CASK: variants seen among roughly 807,000 people sequenced by gnomAD.
CASK encodes calcium/calmodulin dependent serine protein kinase.
Under a neutral mutation model 82.9 loss-of-function variants are expected in CASK, and 4 were observed. The observed-to-expected ratio is 0.05, with a 90% CI of 0.02 to 0.11. CASK has a LOEUF of 0.11. CASK is among the 10% of genes least tolerant of loss of function. The pLI is 1.00. For synonymous variants in CASK, 259 were observed against 253.5 expected (o/e 1.02, Z -0.20); for missense variants, 358 against 720.9 (o/e 0.50, Z 5.76).
chrX:41,856,314 T>A (rs1436793090), intron 1 of CASK, among the ~76,000 whole-genome samples: 1 of 111,200 alleles, frequency 9.0e-6, no homozygotes, highest in Non-Finnish European at 1.9e-5. Context: ...AATAATTAAA[T>A]TTGGAATCCA....
chrX:41,708,070 A>G (rs2067912777), intron 5 of CASK, among the ~76,000 whole-genome samples: 2 of 104,751 alleles, frequency 1.9e-5, no homozygotes, highest in African/African-American at 7.0e-5. Context: ...GTGAGCCGAG[A>G]TCGCGCCACT....
chrX:41,885,327 G>A (rs1241360784), intron 1 of CASK, among the ~76,000 whole-genome samples: 2 of 111,037 alleles, frequency 1.8e-5, no homozygotes, highest in Non-Finnish European at 3.8e-5. Flanking sequence ...TAGAATTCTA[G>A]GATTCTGAGA....
chrX:41,547,011 A>G (rs1471218563), intron 21 of CASK, among the ~76,000 whole-genome samples: 1 of 110,489 alleles, frequency 9.1e-6, no homozygotes, highest in Non-Finnish European at 1.9e-5. Flanking sequence ...GCTCACTGCA[A>G]CCTCCGCCTC....
chrX:41,838,686 G>A (rs746493669), intron 2 of CASK, among the ~76,000 whole-genome samples: 4 of 111,223 alleles, frequency 3.6e-5, no homozygotes, highest in African/African-American at 1.3e-4. Flanking sequence ...ACTTGAACCC[G>A]GGATGGGAGG....
intron 12 of CASK, among the ~76,000 whole-genome samples, chrX:41,604,697 C>T (rs755267762): frequency 1.8e-5 from 2 of 111,711 alleles, no homozygotes; most frequent in Non-Finnish European, 3.8e-5. Context: ...ACATTTCATA[C>T]GAAGATCATC....
At chrX:41,767,213 G>A (rs780375171) in intron 3 of CASK, among the ~76,000 whole-genome samples, 392 of 111,955 alleles carry the variant, frequency 3.5e-3, no homozygotes, top group Non-Finnish European at 5.8e-3. Flanking sequence ...TATGCAGAAT[G>A]TTTTCAACCA....
chrX:41,684,607 G>A (rs753860830), intron 5 of CASK, among the ~76,000 whole-genome samples: 50 of 111,055 alleles, frequency 4.5e-4, no homozygotes, highest in African/African-American at 1.4e-3. Context: ...AGCGATTCTC[G>A]TGCCTCAGCC....
rs1188722752 is a variant in CASK, at chrX:41,561,434, A to T, written c.1668+125T>A. ...GTTTTATGAATGTTATATAAGTTCAAGTCCACATAAATATGGTACCAGAAA... is the reference window on the plus strand; with the variant it reads ...GTTTTATGAATGTTATATAAGTTCATGTCCACATAAATATGGTACCAGAAA... On this transcript the variant is annotated intron_variant, in intron 17 of 26. Transcript: ENST00000378163. 8.1e-5 allele frequency: 42 copies of T among 521,108 alleles called. No homozygotes were observed. The East Asian group carries it at 1.4e-3, about 18-fold the overall frequency. 42.9% of individuals were successfully genotyped at this position (521,108 alleles called of 1,213,427 possible). A position where few individuals can be genotyped will look rare whatever the true frequency, so the allele number is the denominator to read the frequency against.
Position 41,692,131 on chromosome X carries a change from G to A in CASK, c.430-20601C>T, listed in dbSNP as rs1027349742. 4.5e-5 allele frequency among the ~76,000 whole-genome samples: 5 copies of A among 111,874 alleles called. No homozygotes were observed. The Admixed American group carries it at 4.8e-4, about 11-fold the overall frequency. ...GTATTGCAAGAATTATGTAAAGGAA[G>A]TAATATAAATGTGTTTAACACAGTG... On this transcript the variant is annotated intron_variant, in intron 5 of 26. Transcript: ENST00000378163.
chrX:41,538,444 G>A (rs992251143), intron 22 of CASK, among the ~76,000 whole-genome samples: 2 of 111,650 alleles, frequency 1.8e-5, no homozygotes, highest in Non-Finnish European at 3.8e-5. Context: ...ACTTTTGGAA[G>A]TCCTGGGGGC....
chrX:41,787,880 G>A (rs900440496), intron 2 of CASK, among the ~76,000 whole-genome samples: 1 of 111,063 alleles, frequency 9.0e-6, no homozygotes, highest in Non-Finnish European at 1.9e-5. Context: ...CTGGGGCCAG[G>A]CGTGGTGGCT....
At chrX:41,739,947 C>T (rs1279237233) in intron 4 of CASK, among the ~76,000 whole-genome samples, 2 of 112,005 alleles carry the variant, frequency 1.8e-5, no homozygotes, top group African/African-American at 6.5e-5. Flanking sequence ...CCACCCTTAT[C>T]GGACAATTTC....
intron 3 of CASK, among the ~76,000 whole-genome samples, chrX:41,752,703 A>G (rs2147755414): frequency 8.9e-6 from 1 of 112,047 alleles, no homozygotes; most frequent in East Asian, 2.8e-4. Context: ...AAATATAGAA[A>G]AATGGCTGAA....
At chrX:41,887,468 T>C (rs1039378409) in intron 1 of CASK, among the ~76,000 whole-genome samples, 4 of 110,949 alleles carry the variant, frequency 3.6e-5, no homozygotes, top group African/African-American at 1.3e-4. Context: ...TTAAATATTC[T>C]AGACATGTCC....
At position 41,529,387 on chromosome X, in the gene CASK, C is replaced by T. The variant is rs189716951; in HGVS notation, c.2520+1620G>A. 245 of 177,577 alleles carry T rather than the reference C, an allele frequency of 1.4e-3. 3 individuals are homozygous for T. In the Admixed American group the frequency reaches 0.015, roughly 11 times the overall value. The allele number at this position is 177,577 out of a possible 1,213,427, so 14.6% of individuals were successfully genotyped here. A position where few individuals can be genotyped will look rare whatever the true frequency, so the allele number is the denominator to read the frequency against. On this transcript the variant is annotated intron_variant, in intron 25 of 26. Transcript: ENST00000378163. ...CTGGACGCTATGGGTGGAGCAGCAG[C>T]AGCAGCGGCAGCAGCAGCAGTGGCG...
intron 1 of CASK, among the ~76,000 whole-genome samples, chrX:41,876,042 T>C (rs2071810480): frequency 1.8e-5 from 2 of 111,604 alleles, no homozygotes; most frequent in East Asian, 5.6e-4. Context: ...ATACTTACCA[T>C]AGAAGCATAA....
chrX:41,542,671 A>G lies in CASK; in HGVS notation c.2155+20T>C, dbSNP rs2064962982. ...GGAGATGCTTAACCCAGCCTCAGTA[A>G]CAGTTGTGCTTTTCCCTACCTGCAT... On this transcript the variant is annotated intron_variant, in intron 22 of 26. Transcript: ENST00000378163. The G allele has an allele frequency of 1.0e-6, 1 of 999,452 alleles. No individual in the cohort carries two copies. The highest frequency in any genetic ancestry group is 1.9e-5 in the African/African-American group (1 of 53,098). The allele number at this position is 999,452 out of a possible 1,213,427, so 82.4% of individuals were successfully genotyped here. A position where few individuals can be genotyped will look rare whatever the true frequency, so the allele number is the denominator to read the frequency against.
intron 5 of CASK, among the ~76,000 whole-genome samples, chrX:41,679,937 C>T (rs746503415): frequency 1.1e-4 from 12 of 111,427 alleles, no homozygotes; most frequent in Non-Finnish European, 2.3e-4. Flanking sequence ...GGGCCAGGTG[C>T]GGTGGCTCAT....
In CASK at chrX:41,565,035, A is replaced by G. The variant is rs188815671; in HGVS notation, c.1583-3391T>C. 1.7e-3 allele frequency among the ~76,000 whole-genome samples: 194 copies of G among 112,242 alleles called. 1 individual carries two copies. Among genetic ancestry groups the G allele is most frequent in the African/African-American group, 6.0e-3 (186 of 30,928 alleles). ...GAAATAAAGATGTTCTTTGAAACCA[A>G]TGAGAACAAAGACACAACGTACCAG... On this transcript the variant is annotated intron_variant, in intron 16 of 26. Coordinates refer to ENST00000378163, the MANE Select transcript of CASK (RefSeq NM_001367721.1).
Sources: gnomAD v4.1 joint callset for allele counts (sites outside exome capture counted in the v4.1 genomes callset) on GRCh38, gnomAD v4.1.1 for gene constraint, MANE v1.5 for transcripts, NCBI Gene and HGNC (gene_info 2026-07-23, HGNC 2026-07-21) for gene names.